Variants in FGFR1 observed in about 807,000 individuals in gnomAD.
FGFR1 encodes the protein fibroblast growth factor receptor 1.
In FGFR1, 18 loss-of-function variants were observed where a neutral mutation model predicts 93.7. That is an observed-to-expected ratio of 0.19 (90% CI 0.13 to 0.28). The LOEUF is 0.28. FGFR1 is among the 10% of genes least tolerant of loss of function. The pLI, the probability that FGFR1 is intolerant of heterozygous loss-of-function variation, is 1.00. For synonymous variants in FGFR1, 448 were observed against 429.3 expected (o/e 1.04, Z -0.54); for missense variants, 731 against 1,080.4 (o/e 0.68, Z 4.53).
chr8:38,448,847 C>T (rs1369153587), intron 2 of FGFR1, among the ~76,000 whole-genome samples: 6 of 151,984 alleles, frequency 3.9e-5, no homozygotes, highest in South Asian at 2.1e-4. Flanking sequence ...CCCAGCTTCT[C>T]GGGAGGGTGA....
At chr8:38,436,748 G>A (rs1450497336) in intron 2 of FGFR1, among the ~76,000 whole-genome samples, 2 of 152,034 alleles carry the variant, frequency 1.3e-5, no homozygotes, top group African/African-American at 4.8e-5. Context: ...AGGCAGGGGT[G>A]GGAGGGGATT....
chr8:38,453,618 T>G (rs1488091898), intron 2 of FGFR1, among the ~76,000 whole-genome samples: 13 of 152,138 alleles, frequency 8.5e-5, no homozygotes, highest in Non-Finnish European at 1.8e-4. Flanking sequence ...TTAAGTTGGT[T>G]TGGCCAGGTG....
At chr8:38,414,313 G>A (rs2150539197) in intron 15 of FGFR1, 24 bp from the exon 16 acceptor site, 1 of 1,614,096 alleles carries the variant, frequency 6.2e-7, no homozygotes, top group Non-Finnish European at 8.5e-7. Context: ...GAGAGCCACA[G>A]GGTGTTAGAG....
intron 2 of FGFR1, among the ~76,000 whole-genome samples, chr8:38,432,909 C>T: frequency 1.1e-5 from 1 of 93,076 alleles, no homozygotes; most frequent in Non-Finnish European, 2.5e-5. Flanking sequence ...CCCCACCGCG[C>T]CCCCCCCCCT....
chr8:38,422,925 G>C (rs1025350271), intron 7 of FGFR1: 235 of 678,412 alleles, frequency 3.5e-4, no homozygotes, highest in Non-Finnish European at 5.0e-4. Context: ...AAATACAGTA[G>C]GGTGGCAAGG....
intron 2 of FGFR1, among the ~76,000 whole-genome samples, chr8:38,447,138 CACACACACACA>C (rs1829595721): frequency 2.7e-5 from 4 of 148,780 alleles, no homozygotes; most frequent in Admixed American, 2.0e-4. Flanking sequence ...CACACACACA[CACACACACACA>C]CACCCCTGAC....
intron 1 of FGFR1, chr8:38,465,457 G>A (rs1052166311): frequency 2.6e-5 from 6 of 231,406 alleles, no homozygotes; most frequent in Admixed American, 5.6e-5. Flanking sequence ...CAAGCAGCTC[G>A]TCACTGATGC....
chr8:38,411,794 T>TC lies in FGFR1; in HGVS notation c.*1833dup, dbSNP rs572424562. On this transcript the variant is annotated 3_prime_UTR_variant, in exon 18 of 18. Transcript: ENST00000447712. ...AAAACCAAAAACATTCGGAGAATTT[T>TC]CCCCCCGTTCCTGAGGGACAGGATG... 142 of 230,040 alleles carry TC rather than the reference T, an allele frequency of 6.2e-4. No homozygotes were observed. The highest frequency in any genetic ancestry group is 2.1e-3 in the African/African-American group (93 of 45,120). The allele number at this position is 230,040 out of a possible 1,614,324, so 14.2% of individuals were successfully genotyped here.
At chr8:38,415,837 G>T in intron 13 of FGFR1, 33 bp downstream of exon 13, 4 of 1,606,546 alleles carry the variant, frequency 2.5e-6, no homozygotes, top group Non-Finnish European at 3.4e-6. Context: ...TTCCCACCCT[G>T]GCATTACCCA....
Position 38,468,359 on chromosome 8 carries a change from T to C in FGFR1, c.-467A>G. 4.4e-6 allele frequency: 1 copy of C among 227,982 alleles called. No homozygotes were observed. Among genetic ancestry groups the C allele is most frequent in the East Asian group, 6.1e-5 (1 of 16,332 alleles). The allele number at this position is 227,982 out of a possible 1,614,324, so 14.1% of individuals were successfully genotyped here. A position where few individuals can be genotyped will look rare whatever the true frequency, so the allele number is the denominator to read the frequency against. Reference sequence around the variant, plus strand: ...GCGGCGTGCCCGACTGCAGCACGGGTACCGTGCGCCCTGCGGGGCGCCCCG... The same window carrying C: ...GCGGCGTGCCCGACTGCAGCACGGGCACCGTGCGCCCTGCGGGGCGCCCCG... On this transcript the variant is annotated 5_prime_UTR_variant, in exon 1 of 18. Transcript: ENST00000447712.
intron 1 of FGFR1, chr8:38,461,032 G>A (rs776742035): frequency 9.8e-6 from 15 of 1,529,032 alleles, no homozygotes; most frequent in African/African-American, 5.5e-5. Context: ...AGAGGTCCTC[G>A]GTGGGGAGCA....
intron 2 of FGFR1, among the ~76,000 whole-genome samples, chr8:38,435,859 C>T (rs922634173): frequency 1.3e-5 from 2 of 152,210 alleles, no homozygotes; most frequent in African/African-American, 4.8e-5. Flanking sequence ...CCTGGAGAAC[C>T]TGATTAATTG....
At position 38,429,671 on chromosome 8, in the gene FGFR1, T is replaced by C. The variant is rs769673310; in HGVS notation, c.358+11A>G. 5.8e-5 allele frequency: 90 copies of C among 1,561,454 alleles called. No individual in the cohort carries two copies. The highest frequency in any genetic ancestry group is 6.9e-5 in the Non-Finnish European group (80 of 1,152,398). ...TCTAGGGAGGGGCAAGGGCAGGGCTTGGCTACCAACCTGAAACATTGACGG... is the reference window on the plus strand; with the variant it reads ...TCTAGGGAGGGGCAAGGGCAGGGCTCGGCTACCAACCTGAAACATTGACGG... On this transcript the variant is annotated intron_variant, in intron 3 of 17. Transcript: ENST00000447712. The surrounding 1 kb of genome is among the most constrained non-coding windows in gnomAD (Gnocchi z 4.4).
intron 9 of FGFR1, 132 bp downstream of exon 9, chr8:38,419,401 A>G (rs1190397965): frequency 1.1e-5 from 9 of 821,254 alleles, no homozygotes; most frequent in Middle Eastern, 3.2e-4. Context: ...AGTTCATGAT[A>G]TTCCACTGTG....
chr8:38,452,200 G>GACACACACACACACACACAC (rs3051753), intron 2 of FGFR1, among the ~76,000 whole-genome samples: 2 of 139,096 alleles, frequency 1.4e-5, no homozygotes, highest in Non-Finnish European at 1.6e-5. Context: ...CAGACACACA[G>GACACACACACACACACACAC]ACACACACAC....
chr8:38,441,913 A>G (rs891903821), intron 2 of FGFR1, among the ~76,000 whole-genome samples: 4 of 152,206 alleles, frequency 2.6e-5, no homozygotes, highest in African/African-American at 9.6e-5. Context: ...GGCTCAACTC[A>G]TCTATTATGA....
intron 12 of FGFR1, 143 bp downstream of exon 12, chr8:38,417,163 G>C (rs947307066): frequency 1.4e-6 from 1 of 727,384 alleles, no homozygotes. Flanking sequence ...CCCAGATCCC[G>C]AGATAACACA....
intron 1 of FGFR1, chr8:38,461,307 G>T (rs762844890): frequency 8.4e-5 from 50 of 593,566 alleles, no homozygotes; most frequent in Non-Finnish European, 1.2e-4. Context: ...AATTATGTAA[G>T]GAAAACTAGC....
Position 38,424,827 on chromosome 8 carries a change from C to G in FGFR1, c.746-128G>C. Reference sequence around the variant, plus strand: ...TAAACCTCCCAGCACTTCTGCTGAGCCCAAGCCTCTCAAAACAGAGCTGGG... The same window carrying G: ...TAAACCTCCCAGCACTTCTGCTGAGGCCAAGCCTCTCAAAACAGAGCTGGG... On this transcript the variant is annotated intron_variant, in intron 6 of 17. Transcript: ENST00000447712. This position sits in a 1 kb window ranked among gnomAD's most constrained non-coding sequence, Gnocchi z 4.3. 1.1e-6 allele frequency: 1 copy of G among 922,188 alleles called. No individual in the cohort carries two copies. The highest frequency in any genetic ancestry group is 1.6e-6 in the Non-Finnish European group (1 of 617,880). 57.1% of individuals were successfully genotyped at this position (922,188 alleles called of 1,614,324 possible). A position where few individuals can be genotyped will look rare whatever the true frequency, so the allele number is the denominator to read the frequency against.
Sources: allele counts gnomAD v4.1 joint callset (sites outside exome capture counted in the v4.1 genomes callset), GRCh38; gene constraint gnomAD v4.1.1; non-coding constraint Gnocchi (gnomAD v3.1); transcripts MANE v1.5; gene names NCBI Gene and HGNC (gene_info 2026-07-23, HGNC 2026-07-21).